Variants in CCSER1 observed in about 807,000 individuals in gnomAD.
CCSER1 encodes serine-rich coiled-coil domain-containing protein 1.
Under a neutral mutation model 82.0 loss-of-function variants are expected in CCSER1, and 41 were observed. The observed-to-expected ratio is 0.50, with a 90% CI of 0.39 to 0.65. CCSER1 has a LOEUF of 0.65. CCSER1 is among the 30% of genes least tolerant of loss of function. CCSER1 has a pLI of 0.00. For synonymous variants in CCSER1, 414 were observed against 383.9 expected (o/e 1.08, Z -0.92); for missense variants, 1,119 against 1,064.2 (o/e 1.05, Z -0.72).
At chr4:91,173,837 T>C (rs1022011986) in intron 10 of CCSER1, among the ~76,000 whole-genome samples, 16 of 152,170 alleles carry the variant, frequency 1.1e-4, no homozygotes, top group Admixed American at 2.0e-4. Context: ...AATAACCCAA[T>C]AGACCTATGT....
At chr4:90,750,468 G>A (rs541568314) in intron 7 of CCSER1, among the ~76,000 whole-genome samples, 1 of 152,046 alleles carries the variant, frequency 6.6e-6, no homozygotes, top group African/African-American at 2.4e-5. Context: ...GTAAATGTGG[G>A]GTTGTTTGAG....
At chr4:91,106,140 A>G (rs1036275172) in intron 10 of CCSER1, among the ~76,000 whole-genome samples, 3 of 152,248 alleles carry the variant, frequency 2.0e-5, no homozygotes, top group Non-Finnish European at 4.4e-5. Flanking sequence ...TCTCTTCGCC[A>G]TAAAAAATGA....
At chr4:90,722,774 C>T (rs1303526166) in intron 6 of CCSER1, among the ~76,000 whole-genome samples, 1 of 151,822 alleles carries the variant, frequency 6.6e-6, no homozygotes, top group Non-Finnish European at 1.5e-5. Flanking sequence ...GGTTTCTGGA[C>T]TAGGGAGTCA....
chr4:90,610,961 C>T (rs762652874), intron 5 of CCSER1, among the ~76,000 whole-genome samples: 1 of 151,954 alleles, frequency 6.6e-6, no homozygotes, highest in Non-Finnish European at 1.5e-5. Context: ...TCACTGCAAC[C>T]TCCCCTTCCA....
At chr4:90,486,880 A>G (rs1416714583) in intron 5 of CCSER1, among the ~76,000 whole-genome samples, 1 of 152,232 alleles carries the variant, frequency 6.6e-6, no homozygotes, top group African/African-American at 2.4e-5. Context: ...ACTAGACTTT[A>G]TGCTAGCTAA....
intron 1 of CCSER1, among the ~76,000 whole-genome samples, chr4:90,260,730 A>T (rs1318207544): frequency 2.6e-5 from 4 of 152,076 alleles, no homozygotes; most frequent in Non-Finnish European, 5.9e-5. Context: ...TTCTTGATTT[A>T]TTAAGACAGA....
At chr4:91,180,967 C>T (rs1733965859) in intron 10 of CCSER1, among the ~76,000 whole-genome samples, 1 of 152,336 alleles carries the variant, frequency 6.6e-6, no homozygotes, top group Admixed American at 6.5e-5. Context: ...AGGAGCATGT[C>T]CTTAAGGCAC....
intron 1 of CCSER1, among the ~76,000 whole-genome samples, chr4:90,296,352 T>C (rs546255254): frequency 1.3e-5 from 2 of 152,278 alleles, no homozygotes; most frequent in East Asian, 3.9e-4. Flanking sequence ...GGTTGTTTTT[T>C]TTCTTGTAAA....
chr4:90,340,004 A>T (rs1419399118), intron 3 of CCSER1, among the ~76,000 whole-genome samples: 1 of 152,026 alleles, frequency 6.6e-6, no homozygotes, highest in Non-Finnish European at 1.5e-5. Flanking sequence ...AGAAAAAGTA[A>T]ATAATCCAGA....
intron 3 of CCSER1, among the ~76,000 whole-genome samples, chr4:90,399,088 T>A (rs1056454664): frequency 6.6e-6 from 1 of 152,172 alleles, no homozygotes; most frequent in African/African-American, 2.4e-5. Flanking sequence ...GATGTTCTAT[T>A]TTTCTGTACA....
intron 8 of CCSER1, among the ~76,000 whole-genome samples, chr4:90,901,296 G>C (rs936237359): frequency 6.6e-6 from 1 of 151,632 alleles, no homozygotes; most frequent in Non-Finnish European, 1.5e-5. Context: ...TACCTTCAAG[G>C]TTAATATTGA....
intron 10 of CCSER1, among the ~76,000 whole-genome samples, chr4:91,425,687 CAT>C (rs1271300559): frequency 2.0e-5 from 3 of 151,714 alleles, no homozygotes; most frequent in Non-Finnish European, 4.4e-5. Context: ...AATAATCAGT[CAT>C]AGAAATAGAG....
chr4:90,492,461 A>G lies in CCSER1; in HGVS notation c.1724+24107A>G, dbSNP rs575314338. Among the ~76,000 whole-genome samples, 11 of 152,276 alleles carry G rather than the reference A, an allele frequency of 7.2e-5. No homozygotes were observed. In the East Asian group the frequency reaches 2.1e-3, roughly 29 times the overall value. ...CTATCAATTTTGTTGATCTTTTCAA[A>G]AAACCAGCTCCTGGATTCATTGATT... On this transcript the variant is annotated intron_variant, in intron 5 of 10. Transcript: ENST00000509176.
chr4:90,440,495 T>C (rs1462440080), intron 4 of CCSER1, among the ~76,000 whole-genome samples: 1 of 152,214 alleles, frequency 6.6e-6, no homozygotes, highest in African/African-American at 2.4e-5. Flanking sequence ...GAGGATTACA[T>C]AATTGTTTTG....
chr4:90,774,668 T>C (rs548648194), intron 7 of CCSER1, among the ~76,000 whole-genome samples: 25 of 152,254 alleles, frequency 1.6e-4, no homozygotes, highest in African/African-American at 5.3e-4. Flanking sequence ...TGTTCATTAT[T>C]AAGTGCTGTT....
chr4:90,329,355 T>A (rs77438437), intron 3 of CCSER1, among the ~76,000 whole-genome samples: 2,215 of 152,282 alleles, frequency 0.015, 67 homozygotes, highest in African/African-American at 0.05. Flanking sequence ...AAAGGCTTTG[T>A]AAGATTTAAA....
intron 10 of CCSER1, among the ~76,000 whole-genome samples, chr4:91,257,371 T>G (rs575941127): frequency 1.3e-5 from 2 of 152,142 alleles, no homozygotes; most frequent in Middle Eastern, 6.8e-3. Context: ...TTTTTTAATA[T>G]CAAGCTAAAC....
At chr4:91,165,002 A>G (rs1161633345) in intron 10 of CCSER1, among the ~76,000 whole-genome samples, 1 of 152,180 alleles carries the variant, frequency 6.6e-6, no homozygotes, top group Non-Finnish European at 1.5e-5. Context: ...CCTTTGAAGG[A>G]GAAGAGGTGC....
At chr4:90,374,412 G>C (rs1475556695) in intron 3 of CCSER1, among the ~76,000 whole-genome samples, 2 of 152,122 alleles carry the variant, frequency 1.3e-5, no homozygotes, top group African/African-American at 4.8e-5. Context: ...TTTTTTGGGA[G>C]GGGGGATTTC....
Sources: gnomAD v4.1 joint callset for allele counts (sites outside exome capture counted in the v4.1 genomes callset) on GRCh38, gnomAD v4.1.1 for gene constraint, MANE v1.5 for transcripts, NCBI Gene and HGNC (gene_info 2026-07-23, HGNC 2026-07-21) for gene names.